Variants in ZNF813 observed in about 807,000 individuals in gnomAD.
ZNF813 encodes zinc finger protein 813.
In ZNF813, 3 loss-of-function variants were observed where a neutral mutation model predicts 7.2. The ratio of observed to expected loss-of-function variants is 0.42; its 90% CI spans 0.19 to 1.08. ZNF813 has a LOEUF of 1.08. Among genes scored for constraint, ZNF813 ranks in the 50% least tolerant of loss-of-function variants. ZNF813 has a pLI of 0.30. For missense variants in ZNF813, 714 were observed against 753.3 expected (o/e 0.95, Z 0.61); for synonymous variants, 227 against 256.3 (o/e 0.89, Z 1.09).
intron 2 of ZNF813, among the ~76,000 whole-genome samples, chr19:53,485,628 C>T (rs530501330): frequency 4.6e-5 from 7 of 151,302 alleles, no homozygotes; most frequent in East Asian, 1.9e-4. Context: ...ACATGCATGT[C>T]GTGATATATA....
At chr19:53,482,185 CA>C (rs1001039874) in intron 1 of ZNF813, among the ~76,000 whole-genome samples, 18 of 151,772 alleles carry the variant, frequency 1.2e-4, no homozygotes, top group African/African-American at 4.1e-4. Context: ...TGCAGTACCC[CA>C]AAAATAAAAA....
chr19:53,490,448 G>C lies in ZNF813; in HGVS notation c.216G>C (p.Gly72=), dbSNP rs772366898. The C allele has an allele frequency of 6.2e-5, 100 of 1,614,022 alleles. No individual in the cohort carries two copies. Among genetic ancestry groups the C allele is most frequent in the Non-Finnish European group, 7.7e-5 (91 of 1,180,034 alleles). ...AQGNREVIHT[G]TLQRHESHHT... ...GCAATAGAGAAGTGATCCACACAGG[G>C]ACATTGCAAAGACATGAAAGTCATC... Residue 72 remains glycine, a synonymous_variant, in exon 4 of 4, where the codon GGG becomes GGC. Transcript: ENST00000396403.
At chr19:53,486,493 G>A (rs896305776) in intron 2 of ZNF813, 139 bp from the exon 3 acceptor site, 17 of 1,541,294 alleles carry the variant, frequency 1.1e-5, no homozygotes, top group Non-Finnish European at 1.4e-5. Context: ...GACAAAATGT[G>A]GTGAAGAACC....
intron 1 of ZNF813, among the ~76,000 whole-genome samples, chr19:53,482,008 G>A (rs759260114): frequency 6.6e-6 from 1 of 152,196 alleles, no homozygotes; most frequent in Admixed American, 6.5e-5. Context: ...CTTTCTCTGA[G>A]CCCCAGTGAG....
Position 53,490,903 on chromosome 19 carries a change from T to A in ZNF813, c.671T>A (p.Phe224Tyr), listed in dbSNP as rs2086457256. The A allele has an allele frequency of 6.2e-7, 1 of 1,614,016 alleles. No homozygotes were observed. The highest frequency in any genetic ancestry group is 1.3e-5 in the African/African-American group (1 of 74,914). Reference sequence around the variant, plus strand: ...CAATGTAATGAGAGTGGCAAAGCCTTTAATTATAGCTCACTCTTAAGGAAA... The same window carrying A: ...CAATGTAATGAGAGTGGCAAAGCCTATAATTATAGCTCACTCTTAAGGAAA... The part of the protein sequence containing the change: ...SFQCNESGKA[F>Y]NYSSLLRKHQ... The change falls in exon 4 of 4, where the codon TTT becomes TAT. Residue 224 changes from phenylalanine (F) to tyrosine (Y), a missense_variant. Coordinates refer to ENST00000396403, the MANE Select transcript of ZNF813 (RefSeq NM_001004301.4).
intron 1 of ZNF813, among the ~76,000 whole-genome samples, chr19:53,469,769 A>G (rs2086347038): frequency 6.7e-6 from 1 of 149,948 alleles, no homozygotes; most frequent in South Asian, 2.1e-4. Context: ...CAGGGAGGAC[A>G]CCTGGGGATC....
chr19:53,478,883 C>T (rs2086393993), intron 1 of ZNF813, among the ~76,000 whole-genome samples: 1 of 146,726 alleles, frequency 6.8e-6, no homozygotes, highest in Non-Finnish European at 1.5e-5. Flanking sequence ...TTTGTTTCCT[C>T]TTCATTGCTT....
chr19:53,468,066 C>T (rs574292979), intron 1 of ZNF813, among the ~76,000 whole-genome samples: 18 of 152,370 alleles, frequency 1.2e-4, no homozygotes, highest in Non-Finnish European at 2.4e-4. Context: ...ACTCCTCCCA[C>T]CCCGCGCTTT....
chr19:53,470,118 G>C (rs2086350142), intron 1 of ZNF813, among the ~76,000 whole-genome samples: 1 of 149,074 alleles, frequency 6.7e-6, no homozygotes, highest in Non-Finnish European at 1.5e-5. Context: ...AGAAAAGCAA[G>C]AACAGCTAAA....
rs374443667 is a variant in ZNF813 at position 53,482,200 on chromosome 19, AT to A, written c.-73-1549del. Among the ~76,000 whole-genome samples, 10 of 152,324 alleles carry A rather than the reference AT, an allele frequency of 6.6e-5. No homozygotes were observed. The East Asian group carries it at 1.4e-3, about 21-fold the overall frequency. ...TGCAGTACCCCAAAAATAAAAAAGA[AT>A]AAAAAAATGCAAAAGAATGGAAGAA... is the stretch of plus-strand genomic sequence containing the variant. On this transcript the variant is annotated intron_variant, in intron 1 of 3. Transcript: ENST00000396403.
chr19:53,488,549 C>T (rs1332717286), intron 3 of ZNF813, among the ~76,000 whole-genome samples: 1 of 151,310 alleles, frequency 6.6e-6, no homozygotes, highest in Non-Finnish European at 1.5e-5. Context: ...GATGGGACTA[C>T]AGGCACATGT....
chr19:53,490,306 A>G (rs2086453006), intron 3 of ZNF813, 69 bp from the exon 4 acceptor site: 2 of 1,532,200 alleles, frequency 1.3e-6, no homozygotes, highest in Non-Finnish European at 1.8e-6. Context: ...TTTGTGTCAC[A>G]TTTACACATT....
At chr19:53,488,196 G>A (rs1448222768) in intron 3 of ZNF813, 3 of 451,478 alleles carry the variant, frequency 6.6e-6, no homozygotes, top group Non-Finnish European at 1.3e-5. Context: ...GGCTAATTTT[G>A]TGTTTTAATA....
In ZNF813 at chr19:53,491,687, TA is replaced by T; in HGVS notation, c.1456del (p.Thr486ArgfsTer257). On this transcript the variant is annotated frameshift_variant, in exon 4 of 4. Coordinates refer to ENST00000396403, the MANE Select transcript of ZNF813 (RefSeq NM_001004301.4). LOFTEE classifies it low-confidence loss of function (END_TRUNC). ...FSRISALVIH[T>X]AIHTGEKPYK... ...GTCGAATTTCAGCCCTCGTAATTCA[TA>T]CGGCAATTCATACTGGAGAGAAACC... 6.2e-7 allele frequency: 1 copy of T among 1,614,016 alleles called. No homozygotes were observed. The highest frequency in any genetic ancestry group is 1.7e-4 in the Middle Eastern group (1 of 6,056).
chr19:53,469,491 T>C (rs2617711), intron 1 of ZNF813, among the ~76,000 whole-genome samples: 3 of 151,746 alleles, frequency 2.0e-5, no homozygotes, highest in African/African-American at 7.3e-5. Flanking sequence ...TGAGAAAGAC[T>C]CATAACAGAT....
chr19:53,486,771 T>A lies in ZNF813; in HGVS notation c.142+13T>A. ...CTGGTCTCCCTGGGTGAGGATAACT[T>A]CCCTCCAGAAGTGGGGATGTGCCCT... On this transcript the variant is annotated intron_variant, in intron 3 of 3. Coordinates refer to ENST00000396403, the MANE Select transcript of ZNF813 (RefSeq NM_001004301.4). The A allele has an allele frequency of 3.7e-6, 6 of 1,613,792 alleles. No homozygotes were observed.
At chr19:53,480,377 A>C (rs1037861892) in intron 1 of ZNF813, among the ~76,000 whole-genome samples, 17 of 152,204 alleles carry the variant, frequency 1.1e-4, no homozygotes, top group East Asian at 1.9e-4. Flanking sequence ...AAAAAAAAAA[A>C]AAAACATAAT....
chr19:53,479,944 G>T (rs1283207566), intron 1 of ZNF813: 14 of 791,796 alleles, frequency 1.8e-5, no homozygotes, highest in Non-Finnish European at 2.7e-5. Context: ...AGGAGGCAGA[G>T]ACCCATGCTG....
intron 1 of ZNF813, among the ~76,000 whole-genome samples, chr19:53,470,577 T>C (rs1173502441): frequency 1.6e-5 from 2 of 126,186 alleles, no homozygotes; most frequent in Admixed American, 1.6e-4. Flanking sequence ...CAAGGAGAGG[T>C]AAGAGGTAAG....
Sources: allele counts gnomAD v4.1 joint callset (sites outside exome capture counted in the v4.1 genomes callset), GRCh38; gene constraint gnomAD v4.1.1; transcripts MANE v1.5; gene names NCBI Gene and HGNC (gene_info 2026-07-23, HGNC 2026-07-21).